Variants in MCMDC2 observed in about 807,000 individuals in gnomAD.
MCMDC2 encodes minichromosome maintenance domain containing 2.
Under a neutral mutation model 75.8 loss-of-function variants are expected in MCMDC2, and 54 were observed. That is an observed-to-expected ratio of 0.71 (90% confidence interval 0.57 to 0.89). MCMDC2 has a LOEUF of 0.89. Among genes scored for constraint, MCMDC2 ranks in the 40% least tolerant of loss-of-function variants. The pLI is 0.00. For missense variants in MCMDC2, 656 were observed against 780.4 expected, an observed-to-expected ratio of 0.84 and a Z score of 1.90; for synonymous variants, 249 against 274.6, an observed-to-expected ratio of 0.91 and a Z score of 0.92.
At chr8:66,901,476 T>A in intron 13 of MCMDC2, 128 bp downstream of exon 13, 1 of 1,443,028 alleles carries the variant, frequency 6.9e-7, no homozygotes, top group Non-Finnish European at 9.1e-7. Context: ...GTAAATGGCC[T>A]TGTTCCAAAA....
At position 66,920,562 on chromosome 8, in the gene MCMDC2, A is replaced by G. The variant is rs1327959662; in HGVS notation, c.*1393A>G. The G allele has an allele frequency of 1.3e-5, 2 of 152,156 alleles. No individual in the cohort carries two copies. The highest frequency in any genetic ancestry group is 1.5e-5 in the Non-Finnish European group (1 of 68,024). 9.4% of individuals were successfully genotyped at this position (152,156 alleles called of 1,614,324 possible). A position where few individuals can be genotyped will look rare whatever the true frequency, so the allele number is the denominator to read the frequency against. On this transcript the variant is annotated 3_prime_UTR_variant, in exon 15 of 15. Coordinates refer to ENST00000422365, the MANE Select transcript of MCMDC2 (RefSeq NM_173518.5). ...AAATACTTACATATTACAGTTCTAT[A>G]ATGTTAAGACGTTTATTTTGTGCTT... is the stretch of plus-strand genomic sequence containing the variant.
intron 12 of MCMDC2, among the ~76,000 whole-genome samples, chr8:66,898,738 A>C (rs1812481613): frequency 6.6e-6 from 1 of 152,218 alleles, no homozygotes; most frequent in African/African-American, 2.4e-5. Context: ...ACCCATGTAG[A>C]ATGCAGAAGC....
intron 14 of MCMDC2, among the ~76,000 whole-genome samples, chr8:66,909,421 G>A (rs1190979978): frequency 6.6e-6 from 1 of 152,180 alleles, no homozygotes; most frequent in Non-Finnish European, 1.5e-5. Context: ...AGTTTGGAGG[G>A]CTCAGAAGAA....
chr8:66,888,810 T>C (rs554461285), intron 9 of MCMDC2, among the ~76,000 whole-genome samples: 2 of 152,316 alleles, frequency 1.3e-5, no homozygotes, highest in East Asian at 3.9e-4. Context: ...TATCACTAAG[T>C]GCTCAGCCTA....
At chr8:66,918,587 G>A (rs957962467) in intron 14 of MCMDC2, among the ~76,000 whole-genome samples, 2 of 152,094 alleles carry the variant, frequency 1.3e-5, no homozygotes, top group African/African-American at 4.8e-5. Flanking sequence ...ATCAAATAAA[G>A]ATTAGTATTT....
chr8:66,874,394 G>T lies in MCMDC2; in HGVS notation c.163G>T (p.Asp55Tyr). ...AAATCCCTCTGATGTTGTTGAATTA[G>T]ATGCTGAGCTTGGAAATCACATTTT... Reference protein sequence around the residue: ...LINPSDVVELDAELGNHILHQ... With the variant: ...LINPSDVVELYAELGNHILHQ... Residue 55 changes from aspartate (D) to tyrosine (Y), a missense_variant, in exon 3 of 15, where the codon GAT becomes TAT. Asp to Tyr is a radical substitution (Grantham distance 160). Coordinates refer to ENST00000422365, the MANE Select transcript of MCMDC2 (RefSeq NM_173518.5). The T allele has an allele frequency of 6.2e-7, 1 of 1,613,850 alleles. No homozygotes were observed. Among genetic ancestry groups the T allele is most frequent in the Non-Finnish European group, 8.5e-7 (1 of 1,179,928 alleles).
chr8:66,878,012 G>T (rs7013888), intron 5 of MCMDC2, among the ~76,000 whole-genome samples: 2,097 of 151,992 alleles, frequency 0.014, 46 homozygotes, highest in African/African-American at 0.047. Context: ...ATCTTGAAAT[G>T]CATTTTTTCT....
intron 7 of MCMDC2, among the ~76,000 whole-genome samples, chr8:66,879,517 C>G (rs561195536): frequency 6.6e-6 from 1 of 151,982 alleles, no homozygotes; most frequent in Non-Finnish European, 1.5e-5. Flanking sequence ...CACTTGAACC[C>G]GGGAGGCAGA....
At chr8:66,896,691 C>A in intron 11 of MCMDC2, 89 bp from the exon 12 acceptor site, 2 of 912,656 alleles carry the variant, frequency 2.2e-6, no homozygotes, top group Non-Finnish European at 3.1e-6. Flanking sequence ...ATAATAACAA[C>A]ATATAATAAT....
In MCMDC2 at chr8:66,878,704, G is replaced by A; in HGVS notation, c.604+8G>A. ...AATTTAGAGTACTTGGTGGTAATAT[G>A]CATTTATATTTTGTAATTATAATTT... On this transcript the variant is annotated splice_region_variant and intron_variant, in intron 6 of 14. Coordinates refer to ENST00000422365, the MANE Select transcript of MCMDC2 (RefSeq NM_173518.5). 1 of 1,546,662 alleles carries A rather than the reference G, an allele frequency of 6.5e-7. No individual in the cohort carries two copies. Among genetic ancestry groups the A allele is most frequent in the Non-Finnish European group, 8.7e-7 (1 of 1,147,592 alleles).
downstream of MCMDC2, among the ~76,000 whole-genome samples, chr8:66,924,071 T>A (rs1813646746): frequency 1.3e-5 from 2 of 152,116 alleles, no homozygotes; most frequent in African/African-American, 4.8e-5. Flanking sequence ...GGTGGATTCT[T>A]TTGTATTATG....
At chr8:66,876,288 A>G (rs1811278872) in intron 4 of MCMDC2, among the ~76,000 whole-genome samples, 2 of 152,240 alleles carry the variant, frequency 1.3e-5, no homozygotes, top group Non-Finnish European at 2.9e-5. Context: ...ACTCTGAAAT[A>G]CAATTTGTAC....
intron 14 of MCMDC2, among the ~76,000 whole-genome samples, chr8:66,910,301 C>T (rs1403714620): frequency 2.0e-5 from 3 of 152,190 alleles, no homozygotes; most frequent in Non-Finnish European, 4.4e-5. Flanking sequence ...GGGCTGCTGT[C>T]CTCCAGACCC....
chr8:66,918,053 T>C (rs1813386135), intron 14 of MCMDC2, among the ~76,000 whole-genome samples: 1 of 152,030 alleles, frequency 6.6e-6, no homozygotes, highest in Admixed American at 6.5e-5. Context: ...CCACATCCTC[T>C]CTAACACTTG....
chr8:66,872,887 G>A lies in MCMDC2; in HGVS notation c.-88-1166G>A, dbSNP rs570293767. ...GCAGGAGAATCGTTTGAACCCAGGGGTGGAGACTGGAGTGAGCCAAGATAG... is the reference window on the plus strand; with the variant it reads ...GCAGGAGAATCGTTTGAACCCAGGGATGGAGACTGGAGTGAGCCAAGATAG... On this transcript the variant is annotated intron_variant, in intron 1 of 14. Transcript: ENST00000422365. Among the ~76,000 whole-genome samples, 12 of 150,676 alleles carry A rather than the reference G, an allele frequency of 8.0e-5. 1 individual carries two copies. The highest frequency in any genetic ancestry group is 3.9e-4 in the East Asian group (2 of 5,098).
At chr8:66,871,901 A>C (rs1248946714) in intron 1 of MCMDC2, among the ~76,000 whole-genome samples, 2 of 103,496 alleles carry the variant, frequency 1.9e-5, no homozygotes. Flanking sequence ...ACCCTGTCTC[A>C]AAAAAAAAAA....
At chr8:66,891,488 C>G (rs1483636485) in intron 10 of MCMDC2, among the ~76,000 whole-genome samples, 1 of 152,200 alleles carries the variant, frequency 6.6e-6, no homozygotes, top group Non-Finnish European at 1.5e-5. Context: ...AAGTTCTTCT[C>G]TATTCCTAAT....
intron 14 of MCMDC2, among the ~76,000 whole-genome samples, chr8:66,913,962 T>G (rs1299493959): frequency 1.3e-5 from 1 of 78,600 alleles, no homozygotes; most frequent in African/African-American, 5.1e-5. Context: ...AGACTCTGTC[T>G]AAAAAAAAAA....
At chr8:66,877,863 TAAAA>T (rs746087269) in intron 5 of MCMDC2, among the ~76,000 whole-genome samples, 2 of 87,436 alleles carry the variant, frequency 2.3e-5, no homozygotes, top group South Asian at 6.9e-4. Context: ...TGACCCTGTC[TAAAA>T]AAAAAAAAAA....
Sources: gnomAD v4.1 joint callset for allele counts (sites outside exome capture counted in the v4.1 genomes callset) on GRCh38, gnomAD v4.1.1 for gene constraint, MANE v1.5 for transcripts, NCBI Gene and HGNC (gene_info 2026-07-23, HGNC 2026-07-21) for gene names.